The following RORA variants were observed in gnomAD, a reference collection of about 807,000 sequenced individuals.
RORA encodes the protein nuclear receptor ROR-alpha.
RORA carries 7 observed loss-of-function variants against 69.5 expected under a neutral mutation model. The ratio of observed to expected loss-of-function variants is 0.10; its 90% CI spans 0.06 to 0.19. RORA has a LOEUF of 0.19. Among genes scored for constraint, RORA ranks in the 10% least tolerant of loss-of-function variants. The pLI is 1.00. For synonymous variants in RORA, 261 were observed against 240.8 expected, an observed-to-expected ratio of 1.08 and a Z score of -0.78; for missense variants, 457 against 663.0, an observed-to-expected ratio of 0.69 and a Z score of 3.41.
At chr15:60,635,994 T>G (rs537675046) in intron 2 of RORA, among the ~76,000 whole-genome samples, 2 of 152,268 alleles carry the variant, frequency 1.3e-5, no homozygotes, top group African/African-American at 4.8e-5. Flanking sequence ...GCAGTGGTAG[T>G]GGTTATGGAG....
chr15:60,791,607 G>A (rs2072418616), intron 1 of RORA, among the ~76,000 whole-genome samples: 1 of 152,184 alleles, frequency 6.6e-6, no homozygotes, highest in Non-Finnish European at 1.5e-5. Flanking sequence ...GGAAAGGTGG[G>A]AACTGCAGAG....
intron 2 of RORA, among the ~76,000 whole-genome samples, chr15:60,653,582 A>C (rs962182283): frequency 6.6e-6 from 1 of 152,168 alleles, no homozygotes; most frequent in African/African-American, 2.4e-5. Flanking sequence ...ATTCGGCCAG[A>C]TATTATTATC....
At chr15:60,960,107 T>C (rs1279613383) in intron 1 of RORA, among the ~76,000 whole-genome samples, 1 of 152,254 alleles carries the variant, frequency 6.6e-6, no homozygotes, top group Non-Finnish European at 1.5e-5. Flanking sequence ...TATGAGGTTC[T>C]GGACACTTCC....
intron 1 of RORA, among the ~76,000 whole-genome samples, chr15:60,788,708 C>T (rs1330862479): frequency 1.3e-5 from 2 of 152,170 alleles, no homozygotes; most frequent in Non-Finnish European, 2.9e-5. Flanking sequence ...GGCACCCTCC[C>T]TGCCTCATTG....
In RORA at chr15:60,759,265, C is replaced by A. The variant is rs533391324; in HGVS notation, c.167-80579G>T. Among the ~76,000 whole-genome samples the A allele has an allele frequency of 5.3e-5, 8 of 152,298 alleles. No homozygotes were observed. The East Asian group carries it at 1.3e-3, about 26-fold the overall frequency. On this transcript the variant is annotated intron_variant, in intron 1 of 10. Transcript: ENST00000335670. ...AAGAGTCCTGCCTTACAGAGGCCAG[C>A]CTGGACTATGTTTGAGGGTGGACAA...
intron 1 of RORA, among the ~76,000 whole-genome samples, chr15:61,215,174 C>T (rs12440105): frequency 0.68 from 102,523 of 151,304 alleles, 36,357 homozygotes; most frequent in East Asian, 0.99. Flanking sequence ...TGAGCCACCG[C>T]GCCTGGCCCT....
chr15:61,157,325 A>G (rs2079453342), intron 1 of RORA, among the ~76,000 whole-genome samples: 1 of 152,168 alleles, frequency 6.6e-6, no homozygotes, highest in Admixed American at 6.5e-5. Flanking sequence ...TGGGCATGAC[A>G]CCCAACTAGC....
chr15:60,676,096 C>G (rs765998563), intron 2 of RORA, among the ~76,000 whole-genome samples: 89 of 152,074 alleles, frequency 5.9e-4, no homozygotes, highest in Non-Finnish European at 1.1e-3. Flanking sequence ...TTAAGAGGAG[C>G]TGGAATTTAA....
In RORA at chr15:61,070,327, C is replaced by T. The variant is rs571640117; in HGVS notation, c.166+158726G>A. Reference sequence around the variant, plus strand: ...GTACCTTCTAGCAAAGCCACTCATCCGAAGATGACTCACTCATGGCAAATG... The same window carrying T: ...GTACCTTCTAGCAAAGCCACTCATCTGAAGATGACTCACTCATGGCAAATG... On this transcript the variant is annotated intron_variant, in intron 1 of 10. Transcript: ENST00000335670. Among the ~76,000 whole-genome samples, 10 of 152,306 alleles carry T rather than the reference C, an allele frequency of 6.6e-5. No individual in the cohort carries two copies. In the East Asian group the frequency reaches 9.6e-4, roughly 15 times the overall value.
intron 1 of RORA, among the ~76,000 whole-genome samples, chr15:60,971,497 G>T (rs1893712121): frequency 6.6e-6 from 1 of 152,138 alleles, no homozygotes; most frequent in South Asian, 2.1e-4. Flanking sequence ...CAGACATATC[G>T]TGCTTTTCCC....
chr15:61,216,444 T>G (rs1270460507), intron 1 of RORA, among the ~76,000 whole-genome samples: 1 of 152,194 alleles, frequency 6.6e-6, no homozygotes, highest in African/African-American at 2.4e-5. Context: ...TAGTGGAGCA[T>G]TAATGTACAG....
chr15:60,983,650 T>G (rs1221371322), intron 1 of RORA, among the ~76,000 whole-genome samples: 1 of 152,218 alleles, frequency 6.6e-6, no homozygotes, highest in Non-Finnish European at 1.5e-5. Flanking sequence ...ATTCCAGGTC[T>G]TTAGATAAGA....
chr15:60,805,683 G>C (rs1296762808), intron 1 of RORA, among the ~76,000 whole-genome samples: 1 of 152,168 alleles, frequency 6.6e-6, no homozygotes, highest in Non-Finnish European at 1.5e-5. Context: ...GTAGGTCTAT[G>C]AACACTCTAG....
At chr15:60,610,028 G>T (rs1417038828) in intron 2 of RORA, among the ~76,000 whole-genome samples, 1 of 152,124 alleles carries the variant, frequency 6.6e-6, no homozygotes, top group African/African-American at 2.4e-5. Flanking sequence ...GTTTGAAGCT[G>T]CTAAAGAGAT....
At chr15:61,129,552 C>A (rs556113750) in intron 1 of RORA, among the ~76,000 whole-genome samples, 16 of 152,224 alleles carry the variant, frequency 1.1e-4, no homozygotes, top group African/African-American at 3.4e-4. Flanking sequence ...TGTGAATGTA[C>A]TTAAAGCCAA....
intron 1 of RORA, among the ~76,000 whole-genome samples, chr15:60,879,311 C>A (rs1027280684): frequency 1.1e-4 from 17 of 148,402 alleles, no homozygotes; most frequent in East Asian, 4.3e-4. Flanking sequence ...CTTTTTTTAA[C>A]CTTTCCAAAC....
intron 1 of RORA, among the ~76,000 whole-genome samples, chr15:60,899,702 C>T (rs144366298): frequency 1.7e-4 from 26 of 152,350 alleles, no homozygotes; most frequent in African/African-American, 5.5e-4. Context: ...AACAACTCCC[C>T]GCACTTCAAA....
intron 2 of RORA, among the ~76,000 whole-genome samples, chr15:60,612,398 C>T (rs142345191): frequency 3.9e-4 from 59 of 152,274 alleles, no homozygotes; most frequent in African/African-American, 1.4e-3. Context: ...CATGTTCCTC[C>T]AAGCCTCAAC....
chr15:60,632,108 C>T (rs1288468163), intron 2 of RORA, among the ~76,000 whole-genome samples: 1 of 105,858 alleles, frequency 9.4e-6, no homozygotes, highest in Non-Finnish European at 1.8e-5. Context: ...TGTTTCACTA[C>T]CTATTTTTTT....
Sources: gnomAD v4.1 joint callset for allele counts (sites outside exome capture counted in the v4.1 genomes callset) on GRCh38, gnomAD v4.1.1 for gene constraint, MANE v1.5 for transcripts, NCBI Gene and HGNC (gene_info 2026-07-23, HGNC 2026-07-21) for gene names.